The following PLEKHG5 variants were observed in gnomAD, a reference collection of about 807,000 sequenced individuals.
The protein encoded by PLEKHG5 is pleckstrin homology and RhoGEF domain containing G5.
A neutral mutation model predicts 103.8 loss-of-function variants in PLEKHG5; 52 were observed. The ratio of observed to expected loss-of-function variants is 0.50; its 90% CI spans 0.40 to 0.63. The LOEUF (loss-of-function observed/expected upper bound fraction) is 0.63, where lower values mean the gene tolerates loss of function less well. Ranked by LOEUF, PLEKHG5 falls within the 30% of genes least tolerant of loss-of-function variation. The pLI is 0.00. For synonymous variants in PLEKHG5, 592 were observed against 575.5 expected (o/e 1.03, Z -0.41); for missense variants, 1,205 against 1,347.6 (o/e 0.89, Z 1.66).
chr1:6,516,883 TATACACATATATATATATATATACAC>T (rs1248141513), intron 1 of PLEKHG5, among the ~76,000 whole-genome samples: 1,077 of 16,554 alleles, frequency 0.065, 15 homozygotes, highest in Non-Finnish European at 0.076. Flanking sequence ...TATATATATA[TATACACATATATATATATATATACAC>T]ACACACACAC....
At chr1:6,496,686 GGTCAGC>G in exon 1 of PLEKHG5, 2 of 686,440 alleles carry the variant, frequency 2.9e-6, no homozygotes, top group Admixed American at 7.3e-5. Flanking sequence ...CTTCAAAAGA[GGTCAGC>G]GTCCCTTTCT....
At chr1:6,514,040 G>C (rs1412037726) in intron 1 of PLEKHG5, among the ~76,000 whole-genome samples, 1 of 152,206 alleles carries the variant, frequency 6.6e-6, no homozygotes, top group Non-Finnish European at 1.5e-5. Context: ...GCATAAAGCA[G>C]GGACAGGTAT....
chr1:6,512,898 G>T (rs537788824), intron 1 of PLEKHG5, among the ~76,000 whole-genome samples: 1 of 60,086 alleles, frequency 1.7e-5, no homozygotes, highest in South Asian at 5.6e-4. Flanking sequence ...GGGTGGCCAT[G>T]GGGGGGTGAA....
chr1:6,493,512 C>T (rs1569969409), upstream of PLEKHG5, among the ~76,000 whole-genome samples: 3 of 152,314 alleles, frequency 2.0e-5, no homozygotes, highest in Admixed American at 1.3e-4. Flanking sequence ...CTCTCTGGGC[C>T]TCCGTTTCCT....
rs112471131 is a variant in PLEKHG5, at chr1:6,471,590, C to T, written c.1179G>A (p.Leu393=). 0.065 allele frequency: 104,604 copies of T among 1,597,546 alleles called. 3,792 individuals are homozygous for T. Among genetic ancestry groups the T allele is most frequent in the South Asian group, 0.079 (7,015 of 88,814 alleles). Residue 393 remains leucine, a synonymous_variant, in exon 12 of 21, where the codon CTG becomes CTA. Coordinates refer to ENST00000377728, the MANE Select transcript of PLEKHG5 (RefSeq NM_020631.6). The part of the protein sequence containing the change: ...LFSNIPEIAQ[L]HRRLWASVMA... Reference sequence around the variant, plus strand: ...TCACGCTAGCCCACAGCCTGCGGTGCAGCTGCGCGATCTCCGGGATGTTGC... The same window carrying T: ...TCACGCTAGCCCACAGCCTGCGGTGTAGCTGCGCGATCTCCGGGATGTTGC...
exon 1 of PLEKHG5, chr1:6,519,500 G>C: frequency 6.2e-7 from 1 of 1,613,888 alleles, no homozygotes; most frequent in East Asian, 2.2e-5. Flanking sequence ...GTTTTGTCAG[G>C]ACTGAATTCA....
At position 6,505,284 on chromosome 1, in the gene PLEKHG5, A is replaced by G. The variant is rs972717069; in HGVS notation, c.-164-8715T>C. ...TGCCGACCAGCCTACAGTACCGACC[A>G]GCCCACGATGCCGACCAGCCTACGG... On this transcript the variant is annotated intron_variant, in intron 1 of 21. Coordinates refer to the PLEKHG5 transcript ENST00000377740. This position sits in a 1 kb window ranked among gnomAD's most constrained non-coding sequence, Gnocchi z 4.2. 6.6e-6 allele frequency among the ~76,000 whole-genome samples: 1 copy of G among 152,072 alleles called. No individual in the cohort carries two copies. Among genetic ancestry groups the G allele is most frequent in the Non-Finnish European group, 1.5e-5 (1 of 67,994 alleles).
Position 6,473,441 on chromosome 1 carries a change from C to G in PLEKHG5, c.605G>C (p.Arg202Pro), listed in dbSNP as rs543013239. The change falls in exon 8 of 21, where the codon CGC (arginine) becomes CCC (proline). Residue 202 changes from arginine (R) to proline (P), a missense_variant. Physicochemically the swap from Arg to Pro is moderately radical, Grantham distance 103. Coordinates refer to ENST00000377728, the MANE Select transcript of PLEKHG5 (RefSeq NM_020631.6). ...ESLDILAPGRRRKNMSEFLGE... is the reference protein window; with the variant it reads ...ESLDILAPGRPRKNMSEFLGE... The stretch of plus-strand genomic sequence containing the variant: ...CAGGAACTCCGACATGTTCTTGCGG[C>G]GGCGGCCAGGGGCCTGGTCAGGGAA... The G allele has an allele frequency of 6.5e-7, 1 of 1,532,740 alleles. No homozygotes were observed. The highest frequency in any genetic ancestry group is 8.8e-7 in the Non-Finnish European group (1 of 1,139,506). The allele number at this position is 1,532,740 out of a possible 1,614,324, so 94.9% of individuals were successfully genotyped here. A position where few individuals can be genotyped will look rare whatever the true frequency, so the allele number is the denominator to read the frequency against.
rs750409908 is a variant in PLEKHG5, at chr1:6,470,737, T to C, written c.1540A>G (p.Met514Val). ...EPRAKEAVVA[M>V]IGSVERFIHH... ...CTCCCGCTGGCCATCAGGGTTACCA[T>C]GGCGACGACGGCCTCCTTGGCGCGC... The change falls in exon 14 of 21, where the codon ATG (methionine) becomes GTG (valine). Residue 514 changes from methionine (M) to valine (V), a missense_variant and splice_region_variant. Coordinates refer to ENST00000377728, the MANE Select transcript of PLEKHG5 (RefSeq NM_020631.6). 6 of 1,556,942 alleles carry C rather than the reference T, an allele frequency of 3.9e-6. No individual in the cohort carries two copies. In the African/African-American group the frequency reaches 5.4e-5, roughly 14 times the overall value.
chr1:6,470,837 C>T lies in PLEKHG5; in HGVS notation c.1440G>A (p.Met480Ile). 1.3e-6 allele frequency: 2 copies of T among 1,577,866 alleles called. No individual in the cohort carries two copies. Among genetic ancestry groups the T allele is most frequent in the Non-Finnish European group, 1.7e-6 (2 of 1,162,000 alleles). Residue 480 changes from methionine to isoleucine, a missense_variant, in exon 14 of 21, where the codon ATG becomes ATA. By Grantham distance (10) the Met-to-Ile change is conservative. Coordinates refer to ENST00000377728, the MANE Select transcript of PLEKHG5 (RefSeq NM_020631.6). ...PQCQRLKLSD[M>I]LAKPHQRLTK... ...TGAGCCGCTGGTGGGGTTTGGCCAG[C>T]ATGTCGCTCAGCTTCAGCCTCTGGC...
At chr1:6,519,938 G>C in exon 1 of PLEKHG5, 1 of 272,806 alleles carries the variant, frequency 3.7e-6, no homozygotes, top group South Asian at 4.0e-5. Flanking sequence ...CAGAGACCCC[G>C]GCCTCTGCAA....
chr1:6,471,707 C>T (rs755779770), intron 11 of PLEKHG5, 51 bp downstream of exon 11: 1 of 1,588,298 alleles, frequency 6.3e-7, no homozygotes, highest in South Asian at 1.1e-5. Context: ...GTCCAGGTCC[C>T]GCCCTCCTTC....
chr1:6,495,335 G>A (rs752993256), upstream of PLEKHG5, among the ~76,000 whole-genome samples: 4 of 147,886 alleles, frequency 2.7e-5, no homozygotes, highest in African/African-American at 4.9e-5. Context: ...TCCCCGCCCC[G>A]CCCCATAGCA....
intron 14 of PLEKHG5, 30 bp from the exon 15 acceptor site, chr1:6,470,673 A>C (rs1371285167): frequency 6.4e-7 from 1 of 1,556,864 alleles, no homozygotes; most frequent in Non-Finnish European, 8.7e-7. Flanking sequence ...CTTCAGGTCC[A>C]GGGTCATGAC....
chr1:6,498,930 G>T (rs959892768), upstream of PLEKHG5, among the ~76,000 whole-genome samples: 3 of 152,224 alleles, frequency 2.0e-5, no homozygotes, highest in South Asian at 2.1e-4. Flanking sequence ...GGAGGAAGCT[G>T]ACTTGAGGGT....
In PLEKHG5 at chr1:6,486,672, C is replaced by T. The variant is rs1400869184; in HGVS notation, c.-88+4965G>A. Reference sequence around the variant, plus strand: ...GGGCACTCAGCAAAGCCTGAGAGGACGCAAACGCCCAGACTCTGGTGCTGG... The same window carrying T: ...GGGCACTCAGCAAAGCCTGAGAGGATGCAAACGCCCAGACTCTGGTGCTGG... On this transcript the variant is annotated intron_variant, in intron 1 of 20. Transcript: ENST00000377728. The surrounding 1 kb of genome is among the most constrained non-coding windows in gnomAD (Gnocchi z 5.3). Among the ~76,000 whole-genome samples, 4 of 152,236 alleles carry T rather than the reference C, an allele frequency of 2.6e-5. No homozygotes were observed. The highest frequency in any genetic ancestry group is 6.5e-5 in the Admixed American group (1 of 15,286).
At chr1:6,495,570 G>C (rs1279577151), upstream of PLEKHG5, among the ~76,000 whole-genome samples, 2 of 152,202 alleles carry the variant, frequency 1.3e-5, no homozygotes, top group Non-Finnish European at 2.9e-5. Flanking sequence ...CTGTCCCTGA[G>C]TGAGCCTCAG....
In PLEKHG5 at chr1:6,475,012, G is replaced by A. The variant is rs79632236; in HGVS notation, c.302+35C>T. Reference sequence around the variant, plus strand: ...CAACATGGGGCCACCCCTACTCCCAGTCCCACTTCCACCCTGAGCCCCATC... The same window carrying A: ...CAACATGGGGCCACCCCTACTCCCAATCCCACTTCCACCCTGAGCCCCATC... On this transcript the variant is annotated intron_variant, in intron 5 of 20. Coordinates refer to ENST00000377728, the MANE Select transcript of PLEKHG5 (RefSeq NM_020631.6). The A allele has an allele frequency of 6.1e-4, 787 of 1,282,816 alleles. 5 individuals carry two copies. The African/African-American group carries it at 9.2e-3, about 15-fold the overall frequency. The allele number at this position is 1,282,816 out of a possible 1,614,324, so 79.5% of individuals were successfully genotyped here.
upstream of PLEKHG5, chr1:6,497,223 C>G: frequency 1.2e-6 from 1 of 865,690 alleles, no homozygotes; most frequent in Admixed American, 2.0e-5. This position sits in a 1 kb window ranked among gnomAD's most constrained non-coding sequence, Gnocchi z 6.1. Context: ...GGCGCCCACC[C>G]CCTTGCCTGG....
Sources: allele counts gnomAD v4.1 joint callset (sites outside exome capture counted in the v4.1 genomes callset), GRCh38; gene constraint gnomAD v4.1.1; non-coding constraint Gnocchi (gnomAD v3.1); transcripts MANE v1.5; gene names NCBI Gene and HGNC (gene_info 2026-07-23, HGNC 2026-07-21).